The following WWOX variants were observed in gnomAD, a reference collection of about 807,000 sequenced individuals.
WWOX encodes the protein WW domain containing oxidoreductase, also known as WW domain-containing oxidoreductase.
A neutral mutation model predicts 46.2 loss-of-function variants in WWOX; 69 were observed. That is an observed-to-expected ratio of 1.49 (90% CI 1.23 to 1.82). The LOEUF is 1.82. Among genes scored for constraint, WWOX ranks in the 40% most tolerant of loss-of-function variants. WWOX has a pLI of 0.00. For missense variants in WWOX, 919 were observed against 542.6 expected (o/e 1.69, Z -6.89); for synonymous variants, 359 against 202.6 (o/e 1.77, Z -6.56).
intron 5 of WWOX, among the ~76,000 whole-genome samples, chr16:78,318,940 C>T (rs927249479): frequency 4.6e-5 from 7 of 152,028 alleles, no homozygotes; most frequent in African/African-American, 1.2e-4. Context: ...TCCTAATCCG[C>T]GGAAACTATG....
chr16:78,915,669 G>C (rs2045232387), intron 8 of WWOX, among the ~76,000 whole-genome samples: 2 of 146,140 alleles, frequency 1.4e-5, no homozygotes, highest in Admixed American at 1.4e-4. Context: ...TTTGGGGAAA[G>C]TGCTTGTCTA....
In WWOX at chr16:79,075,547, CTCTCT is replaced by C. The variant is rs948983141; in HGVS notation, c.1057-136059_1057-136055del. Among the ~76,000 whole-genome samples the C allele has an allele frequency of 1.9e-3, 42 of 22,352 alleles. 1 individual carries two copies. The South Asian group carries it at 0.095, about 50-fold the overall frequency. The allele number at this position is 22,352 out of a possible 152,430, so 14.7% of individuals were successfully genotyped here. A position where few individuals can be genotyped will look rare whatever the true frequency, so the allele number is the denominator to read the frequency against. On this transcript the variant is annotated intron_variant, in intron 8 of 8. Coordinates refer to ENST00000566780, the MANE Select transcript of WWOX (RefSeq NM_016373.4). Reference sequence around the variant, plus strand: ...CTCTGGCGATTTTTCCTTTCTCTCTCTCTCTTTTTTTTTTTCTTTTGTTTAGACGG... The same window carrying C: ...CTCTGGCGATTTTTCCTTTCTCTCTCTTTTTTTTTTCTTTTGTTTAGACGG...
At chr16:78,577,438 A>C (rs1378282258) in intron 8 of WWOX, among the ~76,000 whole-genome samples, 1 of 152,192 alleles carries the variant, frequency 6.6e-6, no homozygotes, top group Non-Finnish European at 1.5e-5. Flanking sequence ...GACCACGAGC[A>C]AATCATTTAG....
intron 8 of WWOX, among the ~76,000 whole-genome samples, chr16:78,977,704 G>C (rs940069104): frequency 6.6e-6 from 1 of 152,120 alleles, no homozygotes; most frequent in Non-Finnish European, 1.5e-5. Context: ...CGGATCATCA[G>C]CAGGGGCAGG....
chr16:79,130,913 C>T (rs1168705734), intron 8 of WWOX, among the ~76,000 whole-genome samples: 1 of 152,184 alleles, frequency 6.6e-6, no homozygotes, highest in Non-Finnish European at 1.5e-5. Context: ...GGGGAAATGG[C>T]TGCATGCCAA....
At chr16:78,842,884 A>T (rs2052198250) in intron 8 of WWOX, among the ~76,000 whole-genome samples, 1 of 149,938 alleles carries the variant, frequency 6.7e-6, no homozygotes, top group Non-Finnish European at 1.5e-5. Flanking sequence ...ACAAGGGGGG[A>T]TAAAGATAGA....
intron 8 of WWOX, among the ~76,000 whole-genome samples, chr16:78,529,079 G>A (rs551880324): frequency 6.6e-6 from 1 of 150,730 alleles, no homozygotes; most frequent in African/African-American, 2.4e-5. Flanking sequence ...TCAGCCTCCT[G>A]AGTCACTGGG....
chr16:79,064,839 A>C lies in WWOX; in HGVS notation c.1057-146769A>C, dbSNP rs191777052. On this transcript the variant is annotated intron_variant, in intron 8 of 8. Coordinates refer to ENST00000566780, the MANE Select transcript of WWOX (RefSeq NM_016373.4). ...CTTATTTATGAATTATCTGCCCTGG[A>C]ATGGCATTCTAATGTTGTGTTGGAA... 4.6e-5 allele frequency among the ~76,000 whole-genome samples: 7 copies of C among 152,298 alleles called. No individual in the cohort carries two copies. In the East Asian group the frequency reaches 5.8e-4, roughly 13 times the overall value.
rs147759550 is a variant in WWOX at position 78,571,827 on chromosome 16, C to T, written c.1056+139075C>T. 1.4e-3 allele frequency among the ~76,000 whole-genome samples: 217 copies of T among 152,246 alleles called. 1 individual carries two copies. The highest frequency in any genetic ancestry group is 5.0e-3 in the African/African-American group (208 of 41,548). ...GTTGTAGTGAGCTGAGATGTCGCCA[C>T]TATACTCTAGCCTGGGCAACAGAGC... On this transcript the variant is annotated intron_variant, in intron 8 of 8. Coordinates refer to ENST00000566780, the MANE Select transcript of WWOX (RefSeq NM_016373.4).
chr16:78,520,517 A>C (rs992377301), intron 8 of WWOX, among the ~76,000 whole-genome samples: 6 of 152,276 alleles, frequency 3.9e-5, no homozygotes, highest in Middle Eastern at 3.4e-3. Context: ...CTGTGGAAGA[A>C]ACACAGCTTG....
chr16:78,672,953 T>C (rs1303009263), intron 8 of WWOX, among the ~76,000 whole-genome samples: 1 of 152,206 alleles, frequency 6.6e-6, no homozygotes, highest in African/African-American at 2.4e-5. Flanking sequence ...GTGCAATCCA[T>C]AAGAGGGCAA....
chr16:78,369,244 A>T (rs1203592487), intron 5 of WWOX, among the ~76,000 whole-genome samples: 1 of 152,184 alleles, frequency 6.6e-6, no homozygotes, highest in East Asian at 1.9e-4. Context: ...CCTCTGTCAC[A>T]GTAAGTTCCA....
At chr16:79,114,837 G>A (rs908261130) in intron 8 of WWOX, among the ~76,000 whole-genome samples, 15 of 152,206 alleles carry the variant, frequency 9.9e-5, no homozygotes, top group Admixed American at 2.6e-4. Flanking sequence ...GTGGGTGACA[G>A]GGCTGGCCTG....
chr16:78,931,863 G>A (rs568945306), intron 8 of WWOX, among the ~76,000 whole-genome samples: 235 of 152,332 alleles, frequency 1.5e-3, no homozygotes, highest in African/African-American at 5.1e-3. Context: ...GATTTGAATC[G>A]TGGGAGGTAA....
chr16:78,216,413 C>G (rs906064136), intron 5 of WWOX, among the ~76,000 whole-genome samples: 1 of 152,166 alleles, frequency 6.6e-6, no homozygotes, highest in Non-Finnish European at 1.5e-5. Flanking sequence ...AGCACCTAAA[C>G]AACACAAATG....
intron 8 of WWOX, among the ~76,000 whole-genome samples, chr16:78,804,499 C>T (rs1404038801): frequency 6.6e-6 from 1 of 152,108 alleles, no homozygotes. Flanking sequence ...CAAACAAGCG[C>T]ACATGCGAAG....
At chr16:79,046,824 T>C (rs185612332) in intron 8 of WWOX, among the ~76,000 whole-genome samples, 5 of 152,320 alleles carry the variant, frequency 3.3e-5, no homozygotes, top group Admixed American at 3.3e-4. Context: ...ACAACAAATG[T>C]CTCTTTGTGT....
rs570839423 is a variant in WWOX, at chr16:78,411,074, G to C, written c.606-13796G>C. On this transcript the variant is annotated intron_variant, in intron 6 of 8. Transcript: ENST00000566780. ...AAGAACAGGAGTGATACAGAAGCCA[G>C]CATCTTTTTGTAAACCAATCTCAGA... is the stretch of plus-strand genomic sequence containing the variant. Among the ~76,000 whole-genome samples the C allele has an allele frequency of 2.0e-5, 3 of 152,288 alleles. No homozygotes were observed. The East Asian group carries it at 5.8e-4, about 29-fold the overall frequency.
chr16:79,069,841 G>A (rs1331342159), intron 8 of WWOX, among the ~76,000 whole-genome samples: 3 of 152,080 alleles, frequency 2.0e-5, no homozygotes, highest in African/African-American at 4.8e-5. Flanking sequence ...TCAGATAAGA[G>A]CTCTATGTAA....
Sources: gnomAD v4.1 joint callset for allele counts (sites outside exome capture counted in the v4.1 genomes callset) on GRCh38, gnomAD v4.1.1 for gene constraint, MANE v1.5 for transcripts, NCBI Gene and HGNC (gene_info 2026-07-23, HGNC 2026-07-21) for gene names.